HYDIN: variants seen among roughly 807,000 people sequenced by gnomAD.
HYDIN encodes HYDIN axonemal central pair apparatus protein.
A neutral mutation model predicts 403.9 loss-of-function variants in HYDIN; 132 were observed. The ratio of observed to expected loss-of-function variants is 0.33; its 90% CI spans 0.28 to 0.38. The LOEUF (loss-of-function observed/expected upper bound fraction) is 0.38, where lower values mean the gene tolerates loss of function less well. Among genes scored for constraint, HYDIN ranks in the 10% least tolerant of loss-of-function variants. The probability of loss-of-function intolerance (pLI) is 1.00; values close to 1 mark genes in which losing one functional copy is unlikely to be tolerated. For missense variants in HYDIN, 2,827 were observed against 5,009.5 expected, an observed-to-expected ratio of 0.56 and a Z score of 13.15; for synonymous variants, 1,202 against 1,891.7, an observed-to-expected ratio of 0.64 and a Z score of 9.46.
chr16:71,011,125 C>T (rs1361149560), intron 23 of HYDIN, among the ~76,000 whole-genome samples: 3 of 152,120 alleles, frequency 2.0e-5, no homozygotes, highest in Non-Finnish European at 2.9e-5. Context: ...TATAGGATTC[C>T]GGGGCTGCTT....
intron 76 of HYDIN, among the ~76,000 whole-genome samples, chr16:70,838,202 T>C (rs192501196): frequency 8.5e-4 from 128 of 151,036 alleles, no homozygotes; most frequent in African/African-American, 2.8e-3. Flanking sequence ...TTCTTTCTTT[T>C]TTTTTGGAGA....
intron 12 of HYDIN, among the ~76,000 whole-genome samples, chr16:71,086,178 G>GT (rs1326550943): frequency 4.6e-5 from 7 of 151,988 alleles, no homozygotes; most frequent in African/African-American, 7.3e-5. Context: ...TTAGGGAATA[G>GT]TTTAAAGAAT....
chr16:70,989,123 G>T (rs192956986), intron 25 of HYDIN, among the ~76,000 whole-genome samples: 2 of 152,222 alleles, frequency 1.3e-5, no homozygotes, highest in Admixed American at 1.3e-4. Context: ...GAATGCAGTG[G>T]CATGATCAGA....
intron 3 of HYDIN, among the ~76,000 whole-genome samples, chr16:71,182,276 T>C (rs535605523): frequency 6.6e-6 from 1 of 152,248 alleles, no homozygotes; most frequent in Admixed American, 6.5e-5. Context: ...GTTTTAAACA[T>C]GGAAGTAACA....
chr16:70,904,518 T>TTTTTTTTTTTTG lies in HYDIN; in HGVS notation c.8517-455_8517-454insCAAAAAAAAAAA, dbSNP rs767375464. On this transcript the variant is annotated intron_variant, in intron 50 of 85. Transcript: ENST00000393567. ...TTTTTTTTTTTTTTTTTTTTTTTTTTTGAGGGAGTTTCGTTCTTGTTGCCC... is the reference window on the plus strand; with the variant it reads ...TTTTTTTTTTTTTTTTTTTTTTTTTTTTTTTTTTTTTGTGAGGGAGTTTCGTTCTTGTTGCCC... Among the ~76,000 whole-genome samples the TTTTTTTTTTTTG allele has an allele frequency of 7.9e-3, 291 of 37,010 alleles. 100 individuals carry two copies. Among genetic ancestry groups the TTTTTTTTTTTTG allele is most frequent in the Non-Finnish European group, 0.011 (215 of 19,126 alleles). The allele number at this position is 37,010 out of a possible 152,430, so 24.3% of individuals were successfully genotyped here. A position where few individuals can be genotyped will look rare whatever the true frequency, so the allele number is the denominator to read the frequency against.
chr16:71,224,501 G>C (rs1011393702), intron 1 of HYDIN, among the ~76,000 whole-genome samples: 1 of 151,180 alleles, frequency 6.6e-6, no homozygotes, highest in Non-Finnish European at 1.5e-5. Context: ...TGAAATGATT[G>C]ATGAATCATT....
chr16:70,970,882 A>G, intron 35 of HYDIN, 123 bp from the exon 36 acceptor site: 1 of 852,306 alleles, frequency 1.2e-6, no homozygotes, highest in Non-Finnish European at 1.8e-6. Flanking sequence ...TTATTATAAA[A>G]TTGCATAAGA....
chr16:71,082,834 A>T (rs1404576635), intron 12 of HYDIN, among the ~76,000 whole-genome samples: 1 of 142,988 alleles, frequency 7.0e-6, no homozygotes, highest in African/African-American at 2.7e-5. Context: ...ATTTTTTTTT[A>T]AATGACAGCT....
At chr16:70,824,080 G>T (rs1349797251) in intron 83 of HYDIN, among the ~76,000 whole-genome samples, 1 of 151,774 alleles carries the variant, frequency 6.6e-6, no homozygotes, top group African/African-American at 2.4e-5. Flanking sequence ...TATAGTGGGA[G>T]GAGTATAAAA....
chr16:70,879,519 C>G (rs768715260), intron 61 of HYDIN, 33 bp from the exon 62 acceptor site: 1 of 1,610,024 alleles, frequency 6.2e-7, no homozygotes, highest in African/African-American at 1.3e-5. Flanking sequence ...AGCCTGTCAG[C>G]CTGGCATGGT....
chr16:70,871,527 A>G (rs1350021583), intron 65 of HYDIN, among the ~76,000 whole-genome samples: 2 of 152,232 alleles, frequency 1.3e-5, no homozygotes, highest in Admixed American at 6.5e-5. Flanking sequence ...TGGAGATGCT[A>G]AAAGAAGAGG....
chr16:70,981,746 C>A (rs1410411178), intron 28 of HYDIN, among the ~76,000 whole-genome samples, 178 bp from the exon 29 acceptor site: 2 of 152,218 alleles, frequency 1.3e-5, no homozygotes, highest in Non-Finnish European at 2.9e-5. Flanking sequence ...AATCCACAAA[C>A]TGGTTCTTTG....
intron 55 of HYDIN, among the ~76,000 whole-genome samples, chr16:70,892,771 T>C (rs896754350): frequency 6.6e-5 from 10 of 152,176 alleles, no homozygotes; most frequent in South Asian, 4.1e-4. Flanking sequence ...AGAGAGGCCA[T>C]TGCAGGAGAT....
At chr16:70,984,278 G>C (rs749944505) in intron 28 of HYDIN, among the ~76,000 whole-genome samples, 1 of 151,462 alleles carries the variant, frequency 6.6e-6, no homozygotes. Context: ...TGTGGTCCCA[G>C]CTATGTGGGA....
intron 23 of HYDIN, among the ~76,000 whole-genome samples, chr16:70,996,591 G>T (rs1020360426): frequency 2.0e-5 from 3 of 152,114 alleles, no homozygotes; most frequent in African/African-American, 7.2e-5. Context: ...TGGTGCCAGG[G>T]TCATAGCAAA....
chr16:70,840,133 A>G lies in HYDIN; in HGVS notation c.12974T>C (p.Ile4325Thr). The G allele has an allele frequency of 1.1e-6, 1 of 877,184 alleles. No homozygotes were observed. Among genetic ancestry groups the G allele is most frequent in the Non-Finnish European group, 1.7e-6 (1 of 575,282 alleles). 54.3% of individuals were successfully genotyped at this position (877,184 alleles called of 1,614,324 possible). The change falls in exon 76 of 86, where the codon ATC becomes ACC. Residue 4325 changes from isoleucine (I) to threonine (T), a missense_variant. Ile to Thr is a moderately conservative substitution (Grantham distance 89). Coordinates refer to ENST00000393567, the MANE Select transcript of HYDIN (RefSeq NM_001270974.2). The stretch of plus-strand genomic sequence containing the variant: ...GTATGGGGGCATCCCAGCTTGATAG[A>G]TAAAGCAGGTCCCAAAGTTGTAGCT... ...FTSYNFGTCF[I>T]YQAGMPPYKQ...
chr16:70,889,899 T>C (rs1194527178), intron 57 of HYDIN, among the ~76,000 whole-genome samples, 195 bp from the exon 58 acceptor site: 2 of 152,224 alleles, frequency 1.3e-5, no homozygotes, highest in African/African-American at 4.8e-5. Flanking sequence ...GTAAGGAAAC[T>C]AGGCGGTAAT....
chr16:71,151,930 A>T (rs1424673439), intron 7 of HYDIN, among the ~76,000 whole-genome samples: 1 of 152,212 alleles, frequency 6.6e-6, no homozygotes, highest in Non-Finnish European at 1.5e-5. Context: ...GTTATGTAGG[A>T]TATTTGCATG....
intron 23 of HYDIN, among the ~76,000 whole-genome samples, chr16:70,992,984 C>G (rs1391049626): frequency 6.6e-6 from 1 of 152,220 alleles, no homozygotes; most frequent in East Asian, 1.9e-4. Flanking sequence ...CAACCTATCT[C>G]AAGCCCTTGA....
Sources: gnomAD v4.1 joint callset for allele counts (sites outside exome capture counted in the v4.1 genomes callset) on GRCh38, gnomAD v4.1.1 for gene constraint, MANE v1.5 for transcripts, NCBI Gene and HGNC (gene_info 2026-07-23, HGNC 2026-07-21) for gene names.